ANGEL2: variants seen among roughly 807,000 people sequenced by gnomAD.
ANGEL2 encodes RNA 2',3'-cyclic phosphatase ANGEL2.
Under a neutral mutation model 66.0 loss-of-function variants are expected in ANGEL2, and 41 were observed. The observed-to-expected ratio is 0.62, with a 90% CI of 0.48 to 0.81. The LOEUF (loss-of-function observed/expected upper bound fraction) is 0.81, where lower values mean the gene tolerates loss of function less well. Among genes scored for constraint, ANGEL2 ranks in the 30% least tolerant of loss-of-function variants. The pLI is 0.00. For synonymous variants in ANGEL2, 208 were observed against 226.5 expected, an observed-to-expected ratio of 0.92 and a Z score of 0.73; for missense variants, 561 against 641.6, an observed-to-expected ratio of 0.87 and a Z score of 1.36.
intron 8 of ANGEL2, 121 bp downstream of exon 8, chr1:212,997,034 A>G: frequency 1.1e-6 from 1 of 925,702 alleles, no homozygotes. Context: ...CTATTTCGAA[A>G]TATTTTTACC....
chr1:213,007,942 C>T (rs1162081841), intron 3 of ANGEL2, among the ~76,000 whole-genome samples: 1 of 151,542 alleles, frequency 6.6e-6, no homozygotes, highest in East Asian at 1.9e-4. Context: ...CAGCTCACTG[C>T]AACATCGACC....
Position 213,005,194 on chromosome 1 carries a change from A to G in ANGEL2, c.973T>C (p.Leu325=). The part of the protein sequence containing the change: ...PRRGDIKLTQ[L]AMLLAEISSV... The stretch of plus-strand genomic sequence containing the variant: ...GAAATCTCTGCCAGTAGCATTGCCA[A>G]TTGCGTCAGCTTAATATCACCTCGC... The change falls in exon 5 of 9, where the codon TTG becomes CTG. Residue 325 remains leucine (L), a synonymous_variant. Coordinates refer to ENST00000366962, the MANE Select transcript of ANGEL2 (RefSeq NM_144567.5). 1 of 1,614,254 alleles carries G rather than the reference A, an allele frequency of 6.2e-7. No homozygotes were observed. Among genetic ancestry groups the G allele is most frequent in the Non-Finnish European group, 8.5e-7 (1 of 1,180,042 alleles).
In ANGEL2 at chr1:213,008,297, G is replaced by A; in HGVS notation, c.555C>T (p.His185=). The change falls in exon 3 of 9, where the codon CAC becomes CAT. Residue 185 remains histidine, a synonymous_variant. Coordinates refer to ENST00000366962, the MANE Select transcript of ANGEL2 (RefSeq NM_144567.5). ...CTGGCCGCCGGCAATGTCTATAAAGGTGAGAGTTATCTTCCAGTAAATCTT... is the reference window on the plus strand; with the variant it reads ...CTGGCCGCCGGCAATGTCTATAAAGATGAGAGTTATCTTCCAGTAAATCTT... ...LSQDLLEDNS[H]LYRHCRRPVL... is the part of the protein sequence containing the mutation. 1 of 1,614,158 alleles carries A rather than the reference G, an allele frequency of 6.2e-7. No homozygotes were observed. Among genetic ancestry groups the A allele is most frequent in the Non-Finnish European group, 8.5e-7 (1 of 1,179,994 alleles).
intron 5 of ANGEL2, among the ~76,000 whole-genome samples, chr1:213,003,902 A>G (rs1179704105): frequency 6.6e-6 from 1 of 152,164 alleles, no homozygotes; most frequent in Admixed American, 6.5e-5. Context: ...AACTCTTACA[A>G]AATTTTAAAC....
At chr1:213,010,819 G>A (rs1052956191) in intron 2 of ANGEL2, among the ~76,000 whole-genome samples, 2 of 152,162 alleles carry the variant, frequency 1.3e-5, no homozygotes, top group African/African-American at 4.8e-5. Context: ...ACATGTACAT[G>A]TAATGGCATA....
rs1254966298 is a variant in ANGEL2, at chr1:212,995,303, G to A, written c.1484-111C>T. On this transcript the variant is annotated intron_variant, in intron 8 of 8. Coordinates refer to ENST00000366962, the MANE Select transcript of ANGEL2 (RefSeq NM_144567.5). ...TATAGAACTTGAGGCCCCTCCAGAA[G>A]ACTAAAAACTATGACACAGTTTTTA... The A allele has an allele frequency of 8.4e-6, 7 of 837,314 alleles. No individual in the cohort carries two copies. In the East Asian group the frequency reaches 1.7e-4, roughly 21 times the overall value. 51.9% of individuals were successfully genotyped at this position (837,314 alleles called of 1,614,324 possible).
chr1:213,011,155 T>G, intron 2 of ANGEL2: 3 of 1,277,926 alleles, frequency 2.3e-6, no homozygotes, highest in African/African-American at 1.5e-5. Context: ...GTGGATAGTC[T>G]CTGGCCTTCA....
intron 3 of ANGEL2, 57 bp from the exon 4 acceptor site, chr1:213,007,255 G>T: frequency 7.7e-7 from 1 of 1,303,304 alleles, no homozygotes; most frequent in Non-Finnish European, 1.0e-6. Flanking sequence ...TGAATTTCCT[G>T]GTGCTTTTAT....
chr1:213,007,371 G>A (rs1363724876), intron 3 of ANGEL2, among the ~76,000 whole-genome samples, 173 bp from the exon 4 acceptor site: 4 of 152,168 alleles, frequency 2.6e-5, no homozygotes, highest in Admixed American at 6.5e-5. Flanking sequence ...TAATGTTTCC[G>A]AATTTTGATC....
At chr1:213,007,038 G>C (rs1218461661) in intron 4 of ANGEL2, 91 bp downstream of exon 4, 1 of 1,230,476 alleles carries the variant, frequency 8.1e-7, no homozygotes, top group Non-Finnish European at 1.2e-6. Flanking sequence ...AGGCTGTAGT[G>C]AGCCATGATT....
intron 2 of ANGEL2, among the ~76,000 whole-genome samples, chr1:213,012,361 C>A (rs1402103066): frequency 1.3e-5 from 2 of 152,130 alleles, no homozygotes; most frequent in African/African-American, 2.4e-5. Context: ...CAAATTCTAC[C>A]TAGACACCTC....
intron 8 of ANGEL2, 142 bp from the exon 9 acceptor site, chr1:212,995,334 T>C: frequency 1.8e-6 from 1 of 560,894 alleles, no homozygotes; most frequent in African/African-American, 1.9e-5. Context: ...TTTTAGAATA[T>C]CTAAGCTTTA....
rs369696781 is a variant in ANGEL2 at position 213,005,391 on chromosome 1, T to C, written c.776A>G (p.Lys259Arg). 1.6e-5 allele frequency: 26 copies of C among 1,614,024 alleles called. No homozygotes were observed. Among genetic ancestry groups the C allele is most frequent in the African/African-American group, 1.2e-4 (9 of 74,938 alleles). The change falls in exon 5 of 9, where the codon AAA becomes AGA. Residue 259 changes from lysine to arginine, a missense_variant. Coordinates refer to ENST00000366962, the MANE Select transcript of ANGEL2 (RefSeq NM_144567.5). ...RKPDGCAICF[K>R]HSKFSLLSVN... ...TGACAAGAGTGAAAATTTGGAATGT[T>C]TGAAGCAAATAGCACAGCCATCAGG... is the stretch of plus-strand genomic sequence containing the variant.
Position 212,995,015 on chromosome 1 carries a change from G to A in ANGEL2, c.*26C>T. 1 of 1,571,348 alleles carries A rather than the reference G, an allele frequency of 6.4e-7. No homozygotes were observed. Among genetic ancestry groups the A allele is most frequent in the Non-Finnish European group, 8.6e-7 (1 of 1,159,360 alleles). ...TTTGAAAAACAATACAAATTGGAAA[G>A]AAAATTAGTATGTGATCAAAGAGAG... On this transcript the variant is annotated 3_prime_UTR_variant, in exon 9 of 9. Coordinates refer to ENST00000366962, the MANE Select transcript of ANGEL2 (RefSeq NM_144567.5).
intron 1 of ANGEL2, among the ~76,000 whole-genome samples, chr1:213,014,098 A>T (rs949232654): frequency 2.6e-5 from 4 of 152,204 alleles, no homozygotes; most frequent in African/African-American, 9.7e-5. Flanking sequence ...CAACAGCTTC[A>T]ATTTAACCCA....
At chr1:213,008,105 C>G in intron 3 of ANGEL2, 105 bp downstream of exon 3, 2 of 1,279,506 alleles carry the variant, frequency 1.6e-6, no homozygotes, top group Non-Finnish European at 2.1e-6. Context: ...CTCAGGTGAT[C>G]CACCTGCCTC....
chr1:213,010,231 G>T (rs1182651007), intron 2 of ANGEL2, among the ~76,000 whole-genome samples: 19 of 151,986 alleles, frequency 1.3e-4, no homozygotes, highest in Admixed American at 1.2e-3. Context: ...CAATTGTACT[G>T]GCTCTGCAGA....
intron 1 of ANGEL2, among the ~76,000 whole-genome samples, chr1:213,013,968 T>C (rs1432837963): frequency 6.6e-6 from 1 of 152,202 alleles, no homozygotes; most frequent in African/African-American, 2.4e-5. Flanking sequence ...ACAAAACTAC[T>C]TCTCTTACTA....
intron 8 of ANGEL2, among the ~76,000 whole-genome samples, chr1:212,995,879 G>GA (rs1408809447): frequency 1.3e-5 from 2 of 151,644 alleles, no homozygotes; most frequent in African/African-American, 2.4e-5. Flanking sequence ...AAATGGAAGA[G>GA]AAAAAAATGA....
Sources: allele counts gnomAD v4.1 joint callset (sites outside exome capture counted in the v4.1 genomes callset), GRCh38; gene constraint gnomAD v4.1.1; transcripts MANE v1.5; gene names NCBI Gene and HGNC (gene_info 2026-07-23, HGNC 2026-07-21).